The following MBP variants were observed in gnomAD, a reference collection of about 807,000 sequenced individuals.
MBP encodes the protein Golli-MBP.
Under a neutral mutation model 35.8 loss-of-function variants are expected in MBP, and 16 were observed. That is an observed-to-expected ratio of 0.45 (90% CI 0.30 to 0.68). MBP has a LOEUF of 0.68. Among genes scored for constraint, MBP ranks in the 30% least tolerant of loss-of-function variants. The probability of loss-of-function intolerance (pLI) is 0.08; values close to 1 mark genes in which losing one functional copy is unlikely to be tolerated. For missense variants in MBP, 380 were observed against 404.7 expected (o/e 0.94, Z 0.52); for synonymous variants, 143 against 159.6 (o/e 0.90, Z 0.78).
In MBP at chr18:76,988,894, G is replaced by A. The variant is rs1192676514; in HGVS notation, c.700C>T (p.Pro234Ser). ...GGTCTTACCTTTCCCTGCGACGGGG[G>A]TGGTGTGCGAGGCGTCACCTGGAAA... The part of the protein sequence containing the change: ...FKNIVTPRTP[P>S]PSQGKGRGLS... Residue 234 changes from proline (P) to serine (S), a missense_variant, in exon 6 of 9, where the codon CCC becomes TCC. Pro to Ser is a moderately conservative substitution (Grantham distance 74). Coordinates refer to ENST00000355994, the MANE Select transcript of MBP (RefSeq NM_001025101.2). This position sits in a 1 kb window ranked among gnomAD's most constrained non-coding sequence, Gnocchi z 5.2. 4 of 1,613,970 alleles carry A rather than the reference G, an allele frequency of 2.5e-6. No homozygotes were observed. The highest frequency in any genetic ancestry group is 3.3e-5 in the Admixed American group (2 of 60,010).
At chr18:77,069,326 A>T (rs2144827223) in intron 2 of MBP, among the ~76,000 whole-genome samples, 1 of 152,336 alleles carries the variant, frequency 6.6e-6, no homozygotes, top group Middle Eastern at 3.4e-3. Context: ...ATTTCCCGAT[A>T]GTCTTTCCTC....
chr18:77,106,494 G>C (rs1976281826), intron 1 of MBP, among the ~76,000 whole-genome samples: 1 of 152,080 alleles, frequency 6.6e-6, no homozygotes, highest in African/African-American at 2.4e-5. Context: ...CACGTGTGTG[G>C]GAGACGACTA....
chr18:77,065,408 G>A (rs73968290), intron 3 of MBP, among the ~76,000 whole-genome samples: 4,678 of 152,200 alleles, frequency 0.031, 109 homozygotes, highest in East Asian at 0.1. Flanking sequence ...TCTGCTCCTA[G>A]TTACATCCCA....
chr18:77,069,554 G>A (rs1360188312), intron 2 of MBP, among the ~76,000 whole-genome samples: 1 of 152,220 alleles, frequency 6.6e-6, no homozygotes, highest in African/African-American at 2.4e-5. Context: ...GGCGTGGGAA[G>A]CCCTTCTCAC....
Position 77,102,171 on chromosome 18 carries a change from C to G in MBP, c.51+3040G>C, listed in dbSNP as rs1976051232. ...TGGCAGCAGGGTGGGAAGGAGGGGG[C>G]CCTCAGCAGCCTGGGCCGGGCAGTG... On this transcript the variant is annotated intron_variant, in intron 2 of 8. Coordinates refer to ENST00000355994, the MANE Select transcript of MBP (RefSeq NM_001025101.2). This position sits in a 1 kb window ranked among gnomAD's most constrained non-coding sequence, Gnocchi z 4.4. Among the ~76,000 whole-genome samples the G allele has an allele frequency of 6.6e-6, 1 of 152,022 alleles. No homozygotes were observed. Among genetic ancestry groups the G allele is most frequent in the South Asian group, 2.1e-4 (1 of 4,812 alleles).
intron 2 of MBP, among the ~76,000 whole-genome samples, chr18:77,099,779 C>G (rs926779745): frequency 6.6e-6 from 1 of 152,234 alleles, no homozygotes. Flanking sequence ...CAGATGCACA[C>G]CTGCCCTGGG....
At chr18:77,105,057 T>A (rs202027267) in intron 2 of MBP, among the ~76,000 whole-genome samples, 154 bp downstream of exon 2, 3 of 117,806 alleles carry the variant, frequency 2.5e-5, no homozygotes, top group East Asian at 5.4e-4. Flanking sequence ...CATAATTAAT[T>A]ATTAATAATA....
rs1158852349 is a variant in MBP, at chr18:77,041,029, T to C, written c.140-23761A>G. 2.6e-5 allele frequency among the ~76,000 whole-genome samples: 4 copies of C among 151,812 alleles called. No homozygotes were observed. The South Asian group carries it at 8.3e-4, about 32-fold the overall frequency. On this transcript the variant is annotated intron_variant, in intron 3 of 8. Transcript: ENST00000355994. ...ATGGGAGAAGATTTTTGCAATCTACTCATCTGAGAAAGGGCTAGTATCCAG... is the reference window on the plus strand; with the variant it reads ...ATGGGAGAAGATTTTTGCAATCTACCCATCTGAGAAAGGGCTAGTATCCAG...
chr18:76,992,055 C>T (rs896342130), intron 4 of MBP, among the ~76,000 whole-genome samples: 2 of 152,196 alleles, frequency 1.3e-5, no homozygotes, highest in East Asian at 1.9e-4. Context: ...TGAGCCCAGA[C>T]GGGGGTCTCC....
chr18:77,132,035 G>A (rs1977294761), intron 1 of MBP, among the ~76,000 whole-genome samples: 1 of 152,240 alleles, frequency 6.6e-6, no homozygotes, highest in African/African-American at 2.4e-5. Context: ...GGGCCCCCGG[G>A]GTGTGATTAG....
chr18:77,098,868 C>T (rs1372472752), intron 2 of MBP, among the ~76,000 whole-genome samples: 1 of 152,208 alleles, frequency 6.6e-6, no homozygotes, highest in Non-Finnish European at 1.5e-5. Context: ...GCATTTTTAT[C>T]CACGGCAATC....
intron 4 of MBP, among the ~76,000 whole-genome samples, chr18:77,010,716 C>T (rs1971296855): frequency 6.6e-6 from 1 of 152,222 alleles, no homozygotes; most frequent in South Asian, 2.1e-4. Flanking sequence ...GGCTACAAAT[C>T]TTCCTAAGTA....
rs1392809248 is a variant in MBP at position 77,101,317 on chromosome 18, A to C, written c.51+3894T>G. Among the ~76,000 whole-genome samples the C allele has an allele frequency of 2.6e-5, 4 of 152,236 alleles. No homozygotes were observed. Among genetic ancestry groups the C allele is most frequent in the Admixed American group, 6.5e-5 (1 of 15,288 alleles). Reference sequence around the variant, plus strand: ...AATACAAAATGGGCAGAGTGATAGAAAGCTGGTAAATTAGTGAGGCAGGAC... The same window carrying C: ...AATACAAAATGGGCAGAGTGATAGACAGCTGGTAAATTAGTGAGGCAGGAC... On this transcript the variant is annotated intron_variant, in intron 2 of 8. Coordinates refer to ENST00000355994, the MANE Select transcript of MBP (RefSeq NM_001025101.2). The surrounding 1 kb of genome is among the most constrained non-coding windows in gnomAD (Gnocchi z 4.3).
chr18:77,059,568 C>A (rs1973882344), intron 3 of MBP, among the ~76,000 whole-genome samples: 1 of 151,572 alleles, frequency 6.6e-6, no homozygotes, highest in South Asian at 2.1e-4. Flanking sequence ...TCTAATTAAT[C>A]AAATTTGACA....
At chr18:77,005,051 A>C (rs930804546) in intron 4 of MBP, 1 of 152,258 alleles carries the variant, frequency 6.6e-6, no homozygotes, top group Non-Finnish European at 1.5e-5. Context: ...GCACAGAAGG[A>C]TACAACAAAT....
chr18:77,118,612 CCACACACA>C (rs71174609), intron 1 of MBP, among the ~76,000 whole-genome samples: 6,816 of 134,266 alleles, frequency 0.051, 361 homozygotes, highest in East Asian at 0.2. Context: ...TCCACAGACA[CCACACACA>C]CACACACACA....
intron 3 of MBP, among the ~76,000 whole-genome samples, chr18:77,024,127 C>T (rs1160100272): frequency 6.6e-6 from 1 of 152,254 alleles, no homozygotes; most frequent in African/African-American, 2.4e-5. Context: ...TCAGCCTCTA[C>T]ACCCATGGTC....
chr18:77,017,281 AT>A lies in MBP; in HGVS notation c.140-14del, dbSNP rs1971705265. 1.3e-6 allele frequency: 2 copies of A among 1,503,148 alleles called. No homozygotes were observed. The highest frequency in any genetic ancestry group is 1.4e-5 in the African/African-American group (1 of 71,640). 93.1% of individuals were successfully genotyped at this position (1,503,148 alleles called of 1,614,324 possible). A position where few individuals can be genotyped will look rare whatever the true frequency, so the allele number is the denominator to read the frequency against. On this transcript the variant is annotated splice_polypyrimidine_tract_variant and intron_variant, in intron 3 of 8. Transcript: ENST00000355994. ...GCATCTGCCTCTCCTGCAAACAACA[AT>A]GAGATATGAATACGGGCCTGTGCAA...
intron 7 of MBP, chr18:76,986,522 A>C: frequency 2.0e-6 from 2 of 985,592 alleles, no homozygotes; most frequent in Non-Finnish European, 2.4e-6. Context: ...GGGAGTGAGC[A>C]TGGCCACTCA....
Sources: gnomAD v4.1 joint callset for allele counts (sites outside exome capture counted in the v4.1 genomes callset) on GRCh38, gnomAD v4.1.1 for gene constraint, Gnocchi (gnomAD v3.1) non-coding constraint, MANE v1.5 for transcripts, NCBI Gene and HGNC (gene_info 2026-07-23, HGNC 2026-07-21) for gene names.